The following FYB1 variants were observed in gnomAD, a reference collection of about 807,000 sequenced individuals.
FYB1 encodes the protein FYN binding protein 1.
A neutral mutation model predicts 94.1 loss-of-function variants in FYB1; 41 were observed. The ratio of observed to expected loss-of-function variants is 0.44; its 90% CI spans 0.34 to 0.57. The LOEUF is 0.57. FYB1 is among the 20% of genes least tolerant of loss of function. The probability of loss-of-function intolerance (pLI) is 0.02; values close to 1 mark genes in which losing one functional copy is unlikely to be tolerated. For missense variants in FYB1, 1,050 were observed against 976.8 expected (o/e 1.07, Z -1.00); for synonymous variants, 367 against 353.2 (o/e 1.04, Z -0.44).
intron 2 of FYB1, among the ~76,000 whole-genome samples, chr5:39,189,337 C>T (rs1317725608): frequency 6.6e-6 from 1 of 151,188 alleles, no homozygotes; most frequent in African/African-American, 2.4e-5. Context: ...AACTCAGTTT[C>T]CGTACTTGCA....
At position 39,127,741 on chromosome 5, in the gene FYB1, C is replaced by T; in HGVS notation, c.1907G>A (p.Gly636Asp). ...AAAGCAGTTCACTGATTATTCTTAC[C>T]CATCATCAGCATCTTCCTCTTCAAT... Reference protein sequence around the residue: ...DGIEEEDADDGSTLQVQEKSN... With the variant: ...DGIEEEDADDDSTLQVQEKSN... The change falls in exon 11 of 19, where the codon GGC (glycine) becomes GAC (aspartate). Residue 636 changes from glycine (G) to aspartate (D), a missense_variant and splice_region_variant. Coordinates refer to ENST00000512982, the MANE Select transcript of FYB1 (RefSeq NM_001465.6). The T allele has an allele frequency of 1.3e-6, 2 of 1,597,652 alleles. No homozygotes were observed. The highest frequency in any genetic ancestry group is 1.7e-6 in the Non-Finnish European group (2 of 1,172,304).
chr5:39,213,439 A>G (rs1749589881), intron 1 of FYB1, among the ~76,000 whole-genome samples: 1 of 152,238 alleles, frequency 6.6e-6, no homozygotes, highest in South Asian at 2.1e-4. Flanking sequence ...CCTCCTGTCC[A>G]AGAATCCCTT....
intron 1 of FYB1, among the ~76,000 whole-genome samples, chr5:39,229,704 T>A (rs1750635733): frequency 6.6e-6 from 1 of 152,186 alleles, no homozygotes; most frequent in South Asian, 2.1e-4. Flanking sequence ...GCTAAGGTGA[T>A]GATTATGCCC....
At chr5:39,213,575 A>G (rs912073469) in intron 1 of FYB1, among the ~76,000 whole-genome samples, 1 of 152,204 alleles carries the variant, frequency 6.6e-6, no homozygotes, top group African/African-American at 2.4e-5. Flanking sequence ...ATCCTGATTG[A>G]CTTTGCAACA....
chr5:39,143,499 C>T (rs1323254884), intron 3 of FYB1, among the ~76,000 whole-genome samples: 2 of 152,188 alleles, frequency 1.3e-5, no homozygotes, highest in Non-Finnish European at 2.9e-5. Flanking sequence ...TCCTGGTAAT[C>T]AGAATTACTC....
chr5:39,120,182 A>G (rs1739958769), intron 14 of FYB1, among the ~76,000 whole-genome samples: 1 of 152,086 alleles, frequency 6.6e-6, no homozygotes, highest in African/African-American at 2.4e-5. Context: ...GCTTTTTAAA[A>G]AAGATGGTTA....
chr5:39,134,549 G>A (rs529151583), intron 8 of FYB1, among the ~76,000 whole-genome samples, 200 bp from the exon 9 acceptor site: 232 of 152,244 alleles, frequency 1.5e-3, no homozygotes, highest in African/African-American at 5.5e-3. Flanking sequence ...TTTAATGTAA[G>A]CCTACCTTCT....
intron 2 of FYB1, among the ~76,000 whole-genome samples, chr5:39,159,463 G>C (rs7710948): frequency 0.98 from 148,955 of 152,192 alleles, 72,958 homozygotes; most frequent in Non-Finnish European, 1. Context: ...TGCATCTAAA[G>C]TAAACACAGA....
intron 1 of FYB1, among the ~76,000 whole-genome samples, chr5:39,225,531 C>G (rs1282273092): frequency 6.6e-6 from 1 of 152,170 alleles, no homozygotes; most frequent in Non-Finnish European, 1.5e-5. Context: ...TGGGGTGGAG[C>G]TTTCTGAACC....
chr5:39,154,631 T>C (rs1387729752), intron 2 of FYB1, among the ~76,000 whole-genome samples: 1 of 151,978 alleles, frequency 6.6e-6, no homozygotes, highest in African/African-American at 2.4e-5. Flanking sequence ...CTCAGCCTCC[T>C]GAGTAGCTGG....
Position 39,201,969 on chromosome 5 carries a change from T to C in FYB1, c.992A>G (p.Glu331Gly). ...TGAATTCTTGTCTCCCTTTTCCTTTTCCTGACTTTGGCCCCATGGCCCCCC... is the reference window on the plus strand; with the variant it reads ...TGAATTCTTGTCTCCCTTTTCCTTTCCCTGACTTTGGCCCCATGGCCCCCC... The part of the protein sequence containing the change: ...TVGGPWGQSQ[E>G]KEKGDKNSAT... Residue 331 changes from glutamate (E) to glycine (G), a missense_variant, in exon 2 of 19, where the codon GAA becomes GGA. Physicochemically the swap from Glu to Gly is moderately conservative, Grantham distance 98. Transcript: ENST00000512982. 6.2e-7 allele frequency: 1 copy of C among 1,614,018 alleles called. No homozygotes were observed. The highest frequency in any genetic ancestry group is 8.5e-7 in the Non-Finnish European group (1 of 1,179,890).
At chr5:39,254,069 C>A (rs1285128104) in intron 1 of FYB1, among the ~76,000 whole-genome samples, 1 of 152,122 alleles carries the variant, frequency 6.6e-6, no homozygotes, top group Non-Finnish European at 1.5e-5. Flanking sequence ...TGTATATGTA[C>A]CACGTTTTCT....
At chr5:39,181,273 G>T (rs116228835) in intron 2 of FYB1, among the ~76,000 whole-genome samples, 2,005 of 152,270 alleles carry the variant, frequency 0.013, 34 homozygotes, top group Non-Finnish European at 0.015. Context: ...TCAAATGTTT[G>T]TGCTTATATA....
intron 2 of FYB1, among the ~76,000 whole-genome samples, chr5:39,162,914 T>A (rs961009415): frequency 1.3e-5 from 2 of 152,232 alleles, no homozygotes; most frequent in African/African-American, 2.4e-5. Flanking sequence ...TGTGAGTATG[T>A]CTTCTTTATA....
chr5:39,185,329 G>A (rs1422856414), intron 2 of FYB1, among the ~76,000 whole-genome samples: 2 of 151,780 alleles, frequency 1.3e-5, no homozygotes, highest in Non-Finnish European at 2.9e-5. Context: ...TAAGCCTTAG[G>A]TGATTCTTTT....
chr5:39,261,952 C>G (rs765107567), intron 1 of FYB1, among the ~76,000 whole-genome samples: 1 of 152,032 alleles, frequency 6.6e-6, no homozygotes, highest in African/African-American at 2.4e-5. Flanking sequence ...TCCATATCAG[C>G]TAATATTAGA....
chr5:39,134,461 TC>T (rs1173840651), intron 8 of FYB1, 112 bp from the exon 9 acceptor site: 1 of 980,348 alleles, frequency 1.0e-6, no homozygotes, highest in Non-Finnish European at 1.5e-6. Flanking sequence ...TGATTTATTT[TC>T]TTGTAGTTCT....
At chr5:39,267,448 G>T (rs778594619) in intron 1 of FYB1, among the ~76,000 whole-genome samples, 3 of 151,998 alleles carry the variant, frequency 2.0e-5, no homozygotes, top group African/African-American at 7.3e-5. Context: ...CAAAGCTTAA[G>T]TGACTTATGG....
rs1286603654 is a variant in FYB1 at position 39,170,063 on chromosome 5, A to T, written c.1136-16459T>A. 17 of 826,692 alleles carry T rather than the reference A, an allele frequency of 2.1e-5. No individual in the cohort carries two copies. The East Asian group carries it at 4.2e-4, about 20-fold the overall frequency. 51.2% of individuals were successfully genotyped at this position (826,692 alleles called of 1,614,324 possible). On this transcript the variant is annotated intron_variant, in intron 2 of 18. Transcript: ENST00000512982. ...TGAGAGGCCTCCACTGGTGTCCTAG[A>T]TCTTACTTTCACATTTGCAGTGCCA...
Sources: allele counts gnomAD v4.1 joint callset (sites outside exome capture counted in the v4.1 genomes callset), GRCh38; gene constraint gnomAD v4.1.1; transcripts MANE v1.5; gene names NCBI Gene and HGNC (gene_info 2026-07-23, HGNC 2026-07-21).